PIEZO2: variants seen among roughly 807,000 people sequenced by gnomAD.
PIEZO2 encodes piezo type mechanosensitive ion channel component 2, also known as piezo-type mechanosensitive ion channel component 2.
PIEZO2 carries 172 observed loss-of-function variants against 337.3 expected under a neutral mutation model. That is an observed-to-expected ratio of 0.51 (90% CI 0.45 to 0.58). The LOEUF is 0.58. Among genes scored for constraint, PIEZO2 ranks in the 20% least tolerant of loss-of-function variants. The pLI, the probability that PIEZO2 is intolerant of heterozygous loss-of-function variation, is 0.00. For missense variants in PIEZO2, 3,028 were observed against 3,391.3 expected, an observed-to-expected ratio of 0.89 and a Z score of 2.66; for synonymous variants, 1,251 against 1,228.5, an observed-to-expected ratio of 1.02 and a Z score of -0.38.
rs182113058 is a variant in PIEZO2, at chr18:10,759,955, G to C, written c.3451-46C>G. The C allele has an allele frequency of 4.8e-5, 72 of 1,498,936 alleles. No individual in the cohort carries two copies. The East Asian group carries it at 1.7e-3, about 35-fold the overall frequency. 92.9% of individuals were successfully genotyped at this position (1,498,936 alleles called of 1,614,324 possible). On this transcript the variant is annotated intron_variant, in intron 24 of 55. Coordinates refer to ENST00000674853, the MANE Select transcript of PIEZO2 (RefSeq NM_001378183.1). The surrounding 1 kb of genome is among the most constrained non-coding windows in gnomAD (Gnocchi z 5.5). The stretch of plus-strand genomic sequence containing the variant: ...GCAAAAAAAAAAAATCAGGCATATG[G>C]GAAAGGGGACTGGTGATAGGTGTCA...
intron 3 of PIEZO2, among the ~76,000 whole-genome samples, chr18:10,968,915 C>T (rs2034124243): frequency 6.6e-6 from 1 of 152,106 alleles, no homozygotes; most frequent in Non-Finnish European, 1.5e-5. Flanking sequence ...ATTATATTCT[C>T]AATATTCAAA....
At position 10,862,107 on chromosome 18, in the gene PIEZO2, TA is replaced by T. The variant is rs564912954; in HGVS notation, c.493-4897del. 4.3e-3 allele frequency among the ~76,000 whole-genome samples: 662 copies of T among 152,218 alleles called. 4 individuals are homozygous for T. Among genetic ancestry groups the T allele is most frequent in the African/African-American group, 0.015 (635 of 41,550 alleles). On this transcript the variant is annotated intron_variant, in intron 5 of 55. Transcript: ENST00000674853. The surrounding 1 kb of genome is among the most constrained non-coding windows in gnomAD (Gnocchi z 4.4). ...GTCCTCAACACAAATAAATAATAAG[TA>T]TTTGAGATGATGAATATGCTAATTA...
At position 11,096,239 on chromosome 18, in the gene PIEZO2, TTG is replaced by T. The variant is rs1486825227; in HGVS notation, c.65-30019_65-30018del. On this transcript the variant is annotated intron_variant, in intron 1 of 55. Coordinates refer to ENST00000674853, the MANE Select transcript of PIEZO2 (RefSeq NM_001378183.1). This position sits in a 1 kb window ranked among gnomAD's most constrained non-coding sequence, Gnocchi z 4.6. ...AGCCATGAGAAGGACCACGTGCCCT[TTG>T]CCAGACCAAGCCTGTCCACCCAATG... Among the ~76,000 whole-genome samples, 6 of 152,218 alleles carry T rather than the reference TTG, an allele frequency of 3.9e-5. No individual in the cohort carries two copies. In the East Asian group the frequency reaches 9.6e-4, roughly 24 times the overall value.
chr18:10,798,008 A>C (rs571914351), intron 11 of PIEZO2, among the ~76,000 whole-genome samples: 1 of 152,368 alleles, frequency 6.6e-6, no homozygotes, highest in African/African-American at 2.4e-5. Context: ...TGCTGTAAAC[A>C]GCCCTATGGG....
rs1192659531 is a variant in PIEZO2, at chr18:11,110,419, G to T, written c.64+38106C>A. On this transcript the variant is annotated intron_variant, in intron 1 of 55. Transcript: ENST00000674853. This position sits in a 1 kb window ranked among gnomAD's most constrained non-coding sequence, Gnocchi z 4.2. ...GTTGGGCCTCCCCCGCATTCTGGCT[G>T]ACAGGGCTTCAGCATGGGCGCTGCG... is the stretch of plus-strand genomic sequence containing the variant. 6.6e-6 allele frequency among the ~76,000 whole-genome samples: 1 copy of T among 152,238 alleles called. No individual in the cohort carries two copies. Among genetic ancestry groups the T allele is most frequent in the Admixed American group, 6.5e-5 (1 of 15,282 alleles).
At chr18:10,712,249 C>A (rs1349442614) in intron 39 of PIEZO2, among the ~76,000 whole-genome samples, 2 of 152,194 alleles carry the variant, frequency 1.3e-5, no homozygotes, top group East Asian at 1.9e-4. Context: ...CACAAACCTG[C>A]AGGCTTTCAC....
chr18:10,841,176 A>T (rs2041180638), intron 7 of PIEZO2, among the ~76,000 whole-genome samples: 1 of 152,182 alleles, frequency 6.6e-6, no homozygotes, highest in Non-Finnish European at 1.5e-5. Context: ...ATGATTTGGC[A>T]GACATTGCAT....
Position 10,704,539 on chromosome 18 carries a change from A to G in PIEZO2, c.6113T>C (p.Val2038Ala). 1 of 1,537,266 alleles carries G rather than the reference A, an allele frequency of 6.5e-7. No homozygotes were observed. The highest frequency in any genetic ancestry group is 8.7e-7 in the Non-Finnish European group (1 of 1,146,918). ...GTTGAGGATGATCACGAAGTAGCAC[A>G]CCATCTCCGAGCGGGCCACCAGGGT... Reference protein sequence around the residue: ...YNTLVARSEMVCYFVIILNHM... With the variant: ...YNTLVARSEMACYFVIILNHM... The change falls in exon 42 of 56, where the codon GTG becomes GCG. Residue 2038 changes from valine (V) to alanine (A), a missense_variant. Physicochemically the swap from Val to Ala is moderately conservative, Grantham distance 64. Transcript: ENST00000674853.
chr18:10,737,298 C>CAAAAA (rs962564265), intron 33 of PIEZO2, among the ~76,000 whole-genome samples: 1,693 of 104,518 alleles, frequency 0.016, 40 homozygotes, highest in African/African-American at 0.066. Flanking sequence ...AAAAAAAAAA[C>CAAAAA]AAAAAAACAC....
At chr18:10,705,891 G>C in intron 40 of PIEZO2, 145 bp from the exon 41 acceptor site, 2 of 1,067,778 alleles carry the variant, frequency 1.9e-6, no homozygotes, top group Non-Finnish European at 2.6e-6. Flanking sequence ...GTTCTTTTAG[G>C]ATAATCACTC....
chr18:10,678,742 A>G (rs1273330033), intron 52 of PIEZO2, among the ~76,000 whole-genome samples: 1 of 152,144 alleles, frequency 6.6e-6, no homozygotes, highest in African/African-American at 2.4e-5. Flanking sequence ...CTACCAACAC[A>G]AGGAAAAACA....
At chr18:10,957,001 G>A (rs1356904936) in intron 3 of PIEZO2, among the ~76,000 whole-genome samples, 3 of 151,464 alleles carry the variant, frequency 2.0e-5, no homozygotes, top group African/African-American at 7.3e-5. Context: ...TCATCCAGTG[G>A]AACAGGATAT....
chr18:10,780,292 CA>C (rs1338969418), intron 18 of PIEZO2, 32 bp downstream of exon 18: 1 of 702,316 alleles, frequency 1.4e-6, no homozygotes, highest in Non-Finnish European at 2.6e-6. Context: ...TAGCTTCGAA[CA>C]AAAATAAGAG....
At chr18:10,791,388 A>C in intron 13 of PIEZO2, 64 bp from the exon 14 acceptor site, 1 of 1,408,618 alleles carries the variant, frequency 7.1e-7, no homozygotes, top group Non-Finnish European at 9.3e-7. Context: ...AACATTCAAC[A>C]AATGTAACAT....
rs140209505 is a variant in PIEZO2 at position 10,811,453 on chromosome 18, A to G, written c.918-4179T>C. 2.5e-3 allele frequency among the ~76,000 whole-genome samples: 384 copies of G among 152,314 alleles called. 2 individuals carry two copies. The highest frequency in any genetic ancestry group is 8.7e-3 in the African/African-American group (362 of 41,570). On this transcript the variant is annotated intron_variant, in intron 7 of 55. Coordinates refer to ENST00000674853, the MANE Select transcript of PIEZO2 (RefSeq NM_001378183.1). ...TTTTTTTAACTGAATTAAATACACTAAGAGTAAGTAGGTGATCACGGTTAT... is the reference window on the plus strand; with the variant it reads ...TTTTTTTAACTGAATTAAATACACTGAGAGTAAGTAGGTGATCACGGTTAT...
intron 5 of PIEZO2, among the ~76,000 whole-genome samples, chr18:10,869,807 T>C (rs1009420946): frequency 1.3e-4 from 20 of 152,208 alleles, no homozygotes; most frequent in African/African-American, 4.3e-4. Context: ...CATTTTAACA[T>C]TTGCCTTAAA....
In PIEZO2 at chr18:10,762,557, G is replaced by C; in HGVS notation, c.3192C>G (p.Ile1064Met). The change falls in exon 23 of 56, where the codon ATC (isoleucine) becomes ATG (methionine). Residue 1064 changes from isoleucine to methionine, a missense_variant. Around this residue, in one of 5 missense-constraint regions of PIEZO2, gnomAD observed 1,925 missense variants for 2,051.9 expected, o/e 0.94. Coordinates refer to ENST00000674853, the MANE Select transcript of PIEZO2 (RefSeq NM_001378183.1). ...LNKSLLYSAP[I>M]DPTEWVGLRK... ...GCAGGCCGACCCACTCTGTAGGATCGATAGGAGCGCTGTAGAGCAGAGACT... is the reference window on the plus strand; with the variant it reads ...GCAGGCCGACCCACTCTGTAGGATCCATAGGAGCGCTGTAGAGCAGAGACT... 11 of 1,537,382 alleles carry C rather than the reference G, an allele frequency of 7.2e-6. No individual in the cohort carries two copies. The highest frequency in any genetic ancestry group is 9.6e-6 in the Non-Finnish European group (11 of 1,146,924).
chr18:10,733,439 A>C (rs2036865978), intron 35 of PIEZO2, among the ~76,000 whole-genome samples: 1 of 146,590 alleles, frequency 6.8e-6, no homozygotes, highest in Non-Finnish European at 1.5e-5. Context: ...GCTCTTACCA[A>C]ACTTCCCAAT....
chr18:10,873,090 A>G (rs2042177951), intron 4 of PIEZO2, among the ~76,000 whole-genome samples: 1 of 152,208 alleles, frequency 6.6e-6, no homozygotes, highest in African/African-American at 2.4e-5. Flanking sequence ...GTGATTACAC[A>G]CTGTATTCGT....
Sources: allele counts gnomAD v4.1 joint callset (sites outside exome capture counted in the v4.1 genomes callset), GRCh38; gene constraint gnomAD v4.1.1; regional missense constraint gnomAD v4.1.1; non-coding constraint Gnocchi (gnomAD v3.1); transcripts MANE v1.5; gene names NCBI Gene and HGNC (gene_info 2026-07-23, HGNC 2026-07-21).